Variants in TJAP1 observed in about 807,000 individuals in gnomAD.
The protein encoded by TJAP1 is tight junction-associated protein 1.
In TJAP1, 27 loss-of-function variants were observed where a neutral mutation model predicts 42.0. The observed-to-expected ratio is 0.64, with a 90% confidence interval of 0.47 to 0.89. The LOEUF (loss-of-function observed/expected upper bound fraction) is 0.89, where lower values mean the gene tolerates loss of function less well. Among genes scored for constraint, TJAP1 ranks in the 40% least tolerant of loss-of-function variants. TJAP1 has a pLI of 0.00. For missense variants in TJAP1, 712 were observed against 726.9 expected, an observed-to-expected ratio of 0.98 and a Z score of 0.24; for synonymous variants, 257 against 288.4, an observed-to-expected ratio of 0.89 and a Z score of 1.10.
At chr6:43,498,817 A>G in intron 3 of TJAP1, 161 bp from the exon 4 acceptor site, 1 of 640,020 alleles carries the variant, frequency 1.6e-6, no homozygotes. Flanking sequence ...GGGGACTGAC[A>G]CACCTAAGTC....
intron 2 of TJAP1, among the ~76,000 whole-genome samples, chr6:43,490,270 C>T (rs1787516695): frequency 6.6e-6 from 1 of 152,254 alleles, no homozygotes; most frequent in Non-Finnish European, 1.5e-5. Flanking sequence ...CACTGACCAC[C>T]CCCCACCGTC....
chr6:43,503,567 GC>G, intron 9 of TJAP1, 55 bp from the exon 10 acceptor site: 1 of 1,611,754 alleles, frequency 6.2e-7, no homozygotes, highest in East Asian at 2.2e-5. Flanking sequence ...TCCTGGCTCG[GC>G]CCTGCTTCCT....
At chr6:43,503,905 G>T (rs949451521) in intron 10 of TJAP1, 199 bp downstream of exon 10, 3 of 711,706 alleles carry the variant, frequency 4.2e-6, no homozygotes, top group Admixed American at 2.0e-5. Context: ...CACTAGTTCT[G>T]GGGGGCCAGC....
intron 2 of TJAP1, among the ~76,000 whole-genome samples, chr6:43,487,267 C>T (rs1227009384): frequency 6.6e-6 from 1 of 152,142 alleles, no homozygotes; most frequent in African/African-American, 2.4e-5. Flanking sequence ...AGAAGCCATC[C>T]TAGACCCCAA....
Position 43,495,195 on chromosome 6 carries a change from C to G in TJAP1, c.-121-2686C>G, listed in dbSNP as rs1788835290. Reference sequence around the variant, plus strand: ...ACCACTCTGATGCCATCTGCCTCACCCCTTTACCTTCTCCCAGCTTGCAGG... The same window carrying G: ...ACCACTCTGATGCCATCTGCCTCACGCCTTTACCTTCTCCCAGCTTGCAGG... On this transcript the variant is annotated intron_variant, in intron 2 of 10. Transcript: ENST00000372449. The surrounding 1 kb of genome is among the most constrained non-coding windows in gnomAD (Gnocchi z 4.6). Among the ~76,000 whole-genome samples, 1 of 152,330 alleles carries G rather than the reference C, an allele frequency of 6.6e-6. No individual in the cohort carries two copies. Among genetic ancestry groups the G allele is most frequent in the South Asian group, 2.1e-4 (1 of 4,830 alleles).
chr6:43,496,891 C>T (rs1178352406), intron 2 of TJAP1: 1 of 152,354 alleles, frequency 6.6e-6, no homozygotes, highest in Non-Finnish European at 1.5e-5. Flanking sequence ...GGGGTGTGCA[C>T]CCATCTCTGA....
chr6:43,506,091 A>C, exon 11 of TJAP1: 1 of 399,360 alleles, frequency 2.5e-6, no homozygotes, highest in East Asian at 3.7e-5. Context: ...TATTCTTCAG[A>C]GGTAACATGC....
At chr6:43,488,874 T>C (rs1787160599) in intron 2 of TJAP1, among the ~76,000 whole-genome samples, 1 of 152,232 alleles carries the variant, frequency 6.6e-6, no homozygotes, top group African/African-American at 2.4e-5. Flanking sequence ...GCCCAGTGTG[T>C]AGGCAATTAT....
At chr6:43,481,492 C>CCCCA (rs758666073) in intron 2 of TJAP1, among the ~76,000 whole-genome samples, 17 of 136,840 alleles carry the variant, frequency 1.2e-4, no homozygotes, top group South Asian at 7.4e-4. Context: ...ACCCCCCCCC[C>CCCCA]AAAAAAAAAC....
chr6:43,505,084 G>A lies in TJAP1; in HGVS notation c.903G>A (p.Pro301=), dbSNP rs151059106. 1.9e-5 allele frequency: 30 copies of A among 1,614,076 alleles called. No individual in the cohort carries two copies. The highest frequency in any genetic ancestry group is 3.3e-4 in the Middle Eastern group (2 of 6,062). The change falls in exon 11 of 11, where the codon CCG becomes CCA. Residue 301 remains proline, a synonymous_variant. Transcript: ENST00000372449. The surrounding 1 kb of genome is among the most constrained non-coding windows in gnomAD (Gnocchi z 5.5). The stretch of plus-strand genomic sequence containing the variant: ...CTCTGGGTACTGCCAGGGGCTCCCC[G>A]GAGGAAGAGCTGCCCCTGCCAGCCT...
chr6:43,505,364 C>A lies in TJAP1; in HGVS notation c.1183C>A (p.Leu395Ile). ...CCACCACCAGCCCAGCCCAGCACCC[C>A]TAACACTCAGTGCCCCAGCTAGCTC... The change falls in exon 11 of 11, where the codon CTA (leucine) becomes ATA (isoleucine). Residue 395 changes from leucine (L) to isoleucine (I), a missense_variant. This residue lies in a region of TJAP1 where 549 missense variants were observed against 528.2 expected (regional missense o/e 1.04). Transcript: ENST00000372449. This position sits in a 1 kb window ranked among gnomAD's most constrained non-coding sequence, Gnocchi z 5.5. 1 of 1,609,466 alleles carries A rather than the reference C, an allele frequency of 6.2e-7. No individual in the cohort carries two copies. The highest frequency in any genetic ancestry group is 8.5e-7 in the Non-Finnish European group (1 of 1,179,594).
chr6:43,498,689 T>G (rs560476070), intron 3 of TJAP1, among the ~76,000 whole-genome samples: 44 of 152,352 alleles, frequency 2.9e-4, no homozygotes, highest in Admixed American at 6.5e-4. Flanking sequence ...GGTGGGCTGC[T>G]TTGAAGCTCC....
At chr6:43,503,341 G>A (rs1398581363) in intron 8 of TJAP1, 60 bp from the exon 9 acceptor site, 4 of 1,343,436 alleles carry the variant, frequency 3.0e-6, no homozygotes, top group Middle Eastern at 2.4e-4. Flanking sequence ...GGGAGGAGGT[G>A]GAGGGAGAGG....
chr6:43,494,910 T>C (rs1788773984), intron 2 of TJAP1, among the ~76,000 whole-genome samples: 1 of 152,148 alleles, frequency 6.6e-6, no homozygotes, highest in Non-Finnish European at 1.5e-5. Context: ...CAGAAGACCA[T>C]TTTCTGGGAG....
intron 10 of TJAP1, chr6:43,503,962 G>C: frequency 1.5e-6 from 1 of 682,454 alleles, no homozygotes; most frequent in East Asian, 2.9e-5. Flanking sequence ...TCCTGGGCAG[G>C]AAGGAGAGGG....
chr6:43,501,707 GACACACACACACACACACAC>G lies in TJAP1; in HGVS notation c.290+53_290+72del, dbSNP rs70990192. On this transcript the variant is annotated intron_variant, in intron 6 of 10. Transcript: ENST00000372449. ...CCGCAGGTGTGGGAATGAGGGGCCA[GACACACACACACACACACAC>G]ACACACACACACACACACACACACA... is the stretch of plus-strand genomic sequence containing the variant. The G allele has an allele frequency of 8.8e-4, 502 of 571,842 alleles. No individual in the cohort carries two copies. Among genetic ancestry groups the G allele is most frequent in the African/African-American group, 7.0e-3 (262 of 37,538 alleles). The allele number at this position is 571,842 out of a possible 1,614,324, so 35.4% of individuals were successfully genotyped here.
At chr6:43,496,528 C>T (rs1051180305) in intron 2 of TJAP1, among the ~76,000 whole-genome samples, 2 of 152,326 alleles carry the variant, frequency 1.3e-5, no homozygotes, top group Admixed American at 6.5e-5. Flanking sequence ...GGCTGGCGGC[C>T]GTGCCTGTGC....
exon 9 of TJAP1, chr6:43,503,484 C>T: frequency 3.1e-6 from 5 of 1,614,136 alleles, no homozygotes; most frequent in Non-Finnish European, 4.2e-6. Context: ...CCAAGAACAC[C>T]ATCAACAAGC....
intron 6 of TJAP1, among the ~76,000 whole-genome samples, chr6:43,501,898 C>CACAG (rs1790788712): frequency 2.0e-5 from 2 of 102,408 alleles, no homozygotes; most frequent in African/African-American, 8.9e-5. Flanking sequence ...GGGCCACACA[C>CACAG]ACACACACAC....
Sources: gnomAD v4.1 joint callset for allele counts (sites outside exome capture counted in the v4.1 genomes callset) on GRCh38, gnomAD v4.1.1 for gene constraint, gnomAD v4.1.1 regional missense constraint, Gnocchi (gnomAD v3.1) non-coding constraint, MANE v1.5 for transcripts, NCBI Gene and HGNC (gene_info 2026-07-23, HGNC 2026-07-21) for gene names.